IFNLR1: variants seen among roughly 807,000 people sequenced by gnomAD.
IFNLR1 encodes the protein interferon lambda receptor 1, also known as CRF2-12.
Under a neutral mutation model 52.5 loss-of-function variants are expected in IFNLR1, and 28 were observed. That is an observed-to-expected ratio of 0.53 (90% CI 0.40 to 0.73). The LOEUF is 0.73. Ranked by LOEUF, IFNLR1 falls within the 30% of genes least tolerant of loss-of-function variation. The probability of loss-of-function intolerance (pLI) is 0.00; values close to 1 mark genes in which losing one functional copy is unlikely to be tolerated. For missense variants in IFNLR1, 623 were observed against 659.1 expected (o/e 0.95, Z 0.60); for synonymous variants, 276 against 274.9 (o/e 1.00, Z -0.04).
Position 24,180,603 on chromosome 1 carries a change from A to G in IFNLR1, c.182+128T>C, listed in dbSNP as rs1569696819. 3.4e-6 allele frequency: 3 copies of G among 872,458 alleles called. No homozygotes were observed. In the East Asian group the frequency reaches 7.8e-5, roughly 23 times the overall value. The allele number at this position is 872,458 out of a possible 1,614,324, so 54.0% of individuals were successfully genotyped here. On this transcript the variant is annotated intron_variant, in intron 2 of 6. Transcript: ENST00000327535. The stretch of plus-strand genomic sequence containing the variant: ...CCTCTCCAAATGCCGGCCACATGCC[A>G]TCTCCCGTAGGGCCCAGAGAGCTAG...
At chr1:24,161,801 T>C in intron 3 of IFNLR1, 117 bp from the exon 4 acceptor site, 1 of 992,116 alleles carries the variant, frequency 1.0e-6, no homozygotes, top group Non-Finnish European at 1.4e-6. Context: ...CAAACACTTC[T>C]TGTGCACCTA....
At chr1:24,159,737 G>GTTTTTTTTTTTTTTTTTTTTTTTTT (rs79165037) in intron 4 of IFNLR1, 104 bp from the exon 5 acceptor site, 2 of 360,986 alleles carry the variant, frequency 5.5e-6, no homozygotes, top group African/African-American at 3.5e-5. Flanking sequence ...TTTTTTTTTT[G>GTTTTTTTTTTTTTTTTTTTTTTTTT]TTTTTTTTTT....
At chr1:24,163,826 G>A (rs1236919481) in intron 3 of IFNLR1, among the ~76,000 whole-genome samples, 2 of 152,074 alleles carry the variant, frequency 1.3e-5, no homozygotes, top group African/African-American at 4.8e-5. Context: ...TGATCTGCCT[G>A]CCTCGGCCTC....
chr1:24,171,426 A>C (rs565450106), intron 2 of IFNLR1, among the ~76,000 whole-genome samples: 1 of 152,336 alleles, frequency 6.6e-6, no homozygotes, highest in East Asian at 1.9e-4. Flanking sequence ...ATTTCTTCTG[A>C]TTGCAAAACA....
At chr1:24,171,256 AATAC>A (rs1339721755) in intron 2 of IFNLR1, among the ~76,000 whole-genome samples, 9 of 147,694 alleles carry the variant, frequency 6.1e-5, no homozygotes, top group African/African-American at 1.3e-4. Flanking sequence ...AAGAAAAATA[AATAC>A]ATAAATAAAT....
chr1:24,169,281 G>T, intron 3 of IFNLR1, 136 bp downstream of exon 3: 2 of 768,802 alleles, frequency 2.6e-6, no homozygotes, highest in Non-Finnish European at 4.2e-6. Context: ...ATCTCAAAGG[G>T]CCTGGCCCAG....
rs1569655046 is a variant in IFNLR1 at position 24,166,766 on chromosome 1, T to A, written c.367+2651A>T. On this transcript the variant is annotated intron_variant, in intron 3 of 6. Transcript: ENST00000327535. ...CGAGGTCTCCCTATGTTGCCTAGGC[T>A]GGTCTTGAACTCCTAGGCTCAAGTG... Among the ~76,000 whole-genome samples the A allele has an allele frequency of 2.0e-5, 3 of 151,872 alleles. 1 individual carries two copies. Among genetic ancestry groups the A allele is most frequent in the South Asian group, 4.2e-4 (2 of 4,796 alleles).
chr1:24,176,433 C>T (rs1301991584), intron 2 of IFNLR1, among the ~76,000 whole-genome samples: 3 of 152,172 alleles, frequency 2.0e-5, no homozygotes, highest in African/African-American at 7.2e-5. Flanking sequence ...CCACTTTTGT[C>T]AAAACTCATC....
At chr1:24,166,868 T>G (rs1263434103) in intron 3 of IFNLR1, among the ~76,000 whole-genome samples, 1 of 152,164 alleles carries the variant, frequency 6.6e-6, no homozygotes, top group African/African-American at 2.4e-5. Context: ...TGAGCCACAG[T>G]GCCTGGCCTG....
intron 6 of IFNLR1, 121 bp downstream of exon 6, chr1:24,158,931 G>T (rs1489108963): frequency 1.1e-5 from 11 of 1,009,734 alleles, no homozygotes; most frequent in African/African-American, 4.9e-5. Flanking sequence ...CACAAAGATA[G>T]ATGTTTTGGT....
intron 3 of IFNLR1, among the ~76,000 whole-genome samples, chr1:24,169,127 C>A (rs549116045): frequency 6.6e-6 from 1 of 152,308 alleles, no homozygotes; most frequent in South Asian, 2.1e-4. Context: ...CTTGTGTAGT[C>A]CATGACCAAA....
chr1:24,156,941 G>C lies in IFNLR1; in HGVS notation c.*189C>G. 1 of 632,548 alleles carries C rather than the reference G, an allele frequency of 1.6e-6. No individual in the cohort carries two copies. Among genetic ancestry groups the C allele is most frequent in the Non-Finnish European group, 2.7e-6 (1 of 366,812 alleles). 39.2% of individuals were successfully genotyped at this position (632,548 alleles called of 1,614,324 possible). A position where few individuals can be genotyped will look rare whatever the true frequency, so the allele number is the denominator to read the frequency against. On this transcript the variant is annotated 3_prime_UTR_variant, in exon 7 of 7. Coordinates refer to ENST00000327535, the MANE Select transcript of IFNLR1 (RefSeq NM_170743.4). ...CTTATAGCTCAGCCTAAAGAGGGCG[G>C]GTCACAGGAGGGAGGGGCATCTTGT...
chr1:24,177,888 A>C (rs1416342086), intron 2 of IFNLR1, among the ~76,000 whole-genome samples: 1 of 152,234 alleles, frequency 6.6e-6, no homozygotes, highest in African/African-American at 2.4e-5. Flanking sequence ...AGTGTGAAAG[A>C]AAGAAAATAT....
At chr1:24,173,383 A>G (rs1644601330) in intron 2 of IFNLR1, among the ~76,000 whole-genome samples, 1 of 152,220 alleles carries the variant, frequency 6.6e-6, no homozygotes. Context: ...TAAAGCCATA[A>G]TAAAATACTA....
At chr1:24,161,783 G>T in intron 3 of IFNLR1, 99 bp from the exon 4 acceptor site, 1 of 1,237,880 alleles carries the variant, frequency 8.1e-7, no homozygotes, top group Non-Finnish European at 1.1e-6. Context: ...AAAGCAACTA[G>T]CATGTTTCAA....
chr1:24,176,544 TA>T (rs926821489), intron 2 of IFNLR1, among the ~76,000 whole-genome samples: 10 of 152,356 alleles, frequency 6.6e-5, no homozygotes, highest in African/African-American at 2.2e-4. Flanking sequence ...CACGGCAAGC[TA>T]TGATAAGAAA....
chr1:24,167,224 C>A (rs10903040), intron 3 of IFNLR1, among the ~76,000 whole-genome samples: 3 of 152,214 alleles, frequency 2.0e-5, no homozygotes, highest in East Asian at 3.9e-4. Flanking sequence ...CTGTGGCCTC[C>A]GACTGGGGGT....
chr1:24,179,401 G>C lies in IFNLR1; in HGVS notation c.182+1330C>G, dbSNP rs143464955. 2.2e-4 allele frequency among the ~76,000 whole-genome samples: 33 copies of C among 152,350 alleles called. 1 individual carries two copies. The highest frequency in any genetic ancestry group is 7.7e-4 in the African/African-American group (32 of 41,582). ...ACTTGTCCTCAGAGAGCTGCTGTGA[G>C]ATTAAGTTCATTACATGTGTTGACA... On this transcript the variant is annotated intron_variant, in intron 2 of 6. Coordinates refer to ENST00000327535, the MANE Select transcript of IFNLR1 (RefSeq NM_170743.4).
At chr1:24,180,691 C>CCCCCCCCCA in intron 2 of IFNLR1, 40 bp downstream of exon 2, 1 of 1,437,896 alleles carries the variant, frequency 7.0e-7, no homozygotes. Flanking sequence ...CACCCACCCC[C>CCCCCCCCCA]TCAGTCTTCC....
Sources: allele counts gnomAD v4.1 joint callset (sites outside exome capture counted in the v4.1 genomes callset), GRCh38; gene constraint gnomAD v4.1.1; transcripts MANE v1.5; gene names NCBI Gene and HGNC (gene_info 2026-07-23, HGNC 2026-07-21).